CABP1: variants seen among roughly 807,000 people sequenced by gnomAD.
The protein encoded by CABP1 is calcium-binding protein 1.
A neutral mutation model predicts 34.3 loss-of-function variants in CABP1; 17 were observed. The observed-to-expected ratio is 0.50, with a 90% confidence interval of 0.34 to 0.74. The LOEUF is 0.74. CABP1 is among the 30% of genes least tolerant of loss of function. The probability of loss-of-function intolerance (pLI) is 0.01; values close to 1 mark genes in which losing one functional copy is unlikely to be tolerated. For missense variants in CABP1, 373 were observed against 511.1 expected, an observed-to-expected ratio of 0.73 and a Z score of 2.61; for synonymous variants, 198 against 229.2, an observed-to-expected ratio of 0.86 and a Z score of 1.23.
At chr12:120,670,996 G>A (rs965399323), downstream of CABP1, among the ~76,000 whole-genome samples, 5 of 152,194 alleles carry the variant, frequency 3.3e-5, no homozygotes, top group African/African-American at 1.2e-4. Flanking sequence ...CATATTAGTA[G>A]TACCCACTAG....
chr12:120,677,080 T>C, the CABP1 span, among the ~76,000 whole-genome samples: 1 of 143,430 alleles, frequency 7.0e-6, no homozygotes, highest in African/African-American at 2.6e-5. Context: ...TCTTGAAGTT[T>C]GTGGTTTTTT....
downstream of CABP1, among the ~76,000 whole-genome samples, chr12:120,672,159 C>A (rs192151717): frequency 4.5e-4 from 68 of 152,180 alleles, no homozygotes; most frequent in African/African-American, 1.5e-3. Flanking sequence ...CTGAAGGGAT[C>A]AAATCTGAAT....
In CABP1 at chr12:120,659,866, C is replaced by A. The variant is rs1445580163; in HGVS notation, c.655-12C>A. On this transcript the variant is annotated splice_polypyrimidine_tract_variant and intron_variant, in intron 1 of 5. Coordinates refer to ENST00000316803, the MANE Select transcript of CABP1 (RefSeq NM_001033677.2). ...CTTGTCGCGGCTAATAGGACATGTT[C>A]TTTTGTTTCAGGATAGATCACTGCG... 1 of 1,612,532 alleles carries A rather than the reference C, an allele frequency of 6.2e-7. No individual in the cohort carries two copies. Among genetic ancestry groups the A allele is most frequent in the Non-Finnish European group, 8.5e-7 (1 of 1,179,638 alleles).
chr12:120,680,423 A>G, the CABP1 span, among the ~76,000 whole-genome samples: 1 of 152,180 alleles, frequency 6.6e-6, no homozygotes, highest in African/African-American at 2.4e-5. Flanking sequence ...TAACGAGGGC[A>G]AGTCCTCCAT....
intron 1 of CABP1, among the ~76,000 whole-genome samples, chr12:120,647,560 C>CTTTTTTTTTTTTTTT (rs10557275): frequency 1.3e-5 from 1 of 75,666 alleles, no homozygotes; most frequent in Non-Finnish European, 2.3e-5. Flanking sequence ...CAGTCCAAGC[C>CTTTTTTTTTTTTTTT]TTTTTTTTTT....
At position 120,640,902 on chromosome 12, in the gene CABP1, A is replaced by C; in HGVS notation, c.217A>C (p.Lys73Gln). ...AKSESKTSLLKAAAAAASGGS... is the reference protein window; with the variant it reads ...AKSESKTSLLQAAAAAASGGS... ...AAGCGAGTCCAAGACGTCGCTGCTG[A>C]AGGCGGCGGCGGCGGCGGCGAGCGG... Residue 73 changes from lysine (K) to glutamine (Q), a missense_variant, in exon 1 of 6, where the codon AAG (lysine) becomes CAG (glutamine). This residue lies in a region of CABP1 where 134 missense variants were observed against 145.4 expected (regional missense o/e 0.92). Coordinates refer to ENST00000316803, the MANE Select transcript of CABP1 (RefSeq NM_001033677.2). This position sits in a 1 kb window ranked among gnomAD's most constrained non-coding sequence, Gnocchi z 6.2. 1 of 1,097,636 alleles carries C rather than the reference A, an allele frequency of 9.1e-7. No homozygotes were observed. Among genetic ancestry groups the C allele is most frequent in the South Asian group, 4.3e-5 (1 of 23,148 alleles). 68.0% of individuals were successfully genotyped at this position (1,097,636 alleles called of 1,614,324 possible). A position where few individuals can be genotyped will look rare whatever the true frequency, so the allele number is the denominator to read the frequency against.
intron 1 of CABP1, chr12:120,650,473 G>A: frequency 1.3e-6 from 2 of 1,489,588 alleles, no homozygotes; most frequent in Non-Finnish European, 1.8e-6. Context: ...AGGCAGACGA[G>A]TAAGAGAGCA....
the CABP1 span, among the ~76,000 whole-genome samples, chr12:120,675,789 G>GT: frequency 6.6e-6 from 1 of 152,008 alleles, no homozygotes; most frequent in African/African-American, 2.4e-5. Context: ...ATGATTTATT[G>GT]TATCAGGCAG....
At chr12:120,646,623 C>T (rs1879548005) in intron 1 of CABP1, among the ~76,000 whole-genome samples, 1 of 152,178 alleles carries the variant, frequency 6.6e-6, no homozygotes. Context: ...AAGTGATCCT[C>T]CTGCCCTAGC....
chr12:120,650,419 A>G (rs1879769034), intron 1 of CABP1: 1 of 1,314,580 alleles, frequency 7.6e-7, no homozygotes, highest in Admixed American at 3.0e-5. Flanking sequence ...ACACAAACAC[A>G]CACACAATCC....
chr12:120,656,244 G>A (rs759280001), intron 1 of CABP1: 50 of 1,575,858 alleles, frequency 3.2e-5, no homozygotes, highest in Non-Finnish European at 3.6e-5. Flanking sequence ...ATTTTCCTGC[G>A]CAAGGGCTTC....
At chr12:120,653,191 G>A (rs1879956791) in intron 1 of CABP1, among the ~76,000 whole-genome samples, 1 of 152,080 alleles carries the variant, frequency 6.6e-6, no homozygotes, top group South Asian at 2.1e-4. Flanking sequence ...AATGCCTTCT[G>A]GCACCCAGCA....
At chr12:120,645,040 A>G (rs1212921898) in intron 1 of CABP1, among the ~76,000 whole-genome samples, 9 of 152,160 alleles carry the variant, frequency 5.9e-5, no homozygotes, top group Admixed American at 5.9e-4. Flanking sequence ...CCTGACCTCA[A>G]GTGATCCATC....
At chr12:120,645,458 T>A (rs903342068) in intron 1 of CABP1, among the ~76,000 whole-genome samples, 1 of 152,134 alleles carries the variant, frequency 6.6e-6, no homozygotes, top group Non-Finnish European at 1.5e-5. Context: ...GTGGACAAAG[T>A]GTCTTCTTAT....
In CABP1 at chr12:120,661,574, T is replaced by G. The variant is rs536834062; in HGVS notation, c.1087+356T>G. ...TCTACCTATCCATCCATCTGTCCAT[T>G]TATCCATTCATCCATTCATCTACCT... is the stretch of plus-strand genomic sequence containing the variant. On this transcript the variant is annotated intron_variant, in intron 5 of 5. Transcript: ENST00000316803. The surrounding 1 kb of genome is among the most constrained non-coding windows in gnomAD (Gnocchi z 5.1). 9.7e-6 allele frequency: 2 copies of G among 206,640 alleles called. No individual in the cohort carries two copies. The highest frequency in any genetic ancestry group is 2.5e-4 in the East Asian group (2 of 8,062). 12.8% of individuals were successfully genotyped at this position (206,640 alleles called of 1,614,324 possible). A position where few individuals can be genotyped will look rare whatever the true frequency, so the allele number is the denominator to read the frequency against.
intron 1 of CABP1, among the ~76,000 whole-genome samples, chr12:120,654,595 C>T (rs1880047204): frequency 1.3e-5 from 2 of 152,238 alleles, no homozygotes; most frequent in South Asian, 4.1e-4. Flanking sequence ...GAAGGTCCTA[C>T]TCTAGCTAAA....
intron 5 of CABP1, among the ~76,000 whole-genome samples, chr12:120,666,021 A>T (rs1880954324): frequency 6.7e-6 from 1 of 148,718 alleles, no homozygotes; most frequent in African/African-American, 2.5e-5. Context: ...CTGTCTCAAA[A>T]AAAAAAAAAA....
chr12:120,672,214 G>A (rs1176703012), downstream of CABP1, among the ~76,000 whole-genome samples: 2 of 152,130 alleles, frequency 1.3e-5, no homozygotes, highest in Admixed American at 1.3e-4. Context: ...AAAAAATCCA[G>A]GGGCAGAGAA....
chr12:120,669,468 C>T (rs1443790439), downstream of CABP1, among the ~76,000 whole-genome samples: 1 of 152,142 alleles, frequency 6.6e-6, no homozygotes, highest in Non-Finnish European at 1.5e-5. Flanking sequence ...GCAGGGTGAG[C>T]CCCCAGGAAC....
Sources: gnomAD v4.1 joint callset for allele counts (sites outside exome capture counted in the v4.1 genomes callset) on GRCh38, gnomAD v4.1.1 for gene constraint, gnomAD v4.1.1 regional missense constraint, Gnocchi (gnomAD v3.1) non-coding constraint, MANE v1.5 for transcripts, NCBI Gene and HGNC (gene_info 2026-07-23, HGNC 2026-07-21) for gene names.